KIF1C: variants seen among roughly 807,000 people sequenced by gnomAD.
KIF1C encodes kinesin family member 1C.
Under a neutral mutation model 126.5 loss-of-function variants are expected in KIF1C, and 61 were observed. The observed-to-expected ratio is 0.48, with a 90% CI of 0.39 to 0.60. KIF1C has a LOEUF of 0.60. Ranked by LOEUF, KIF1C falls within the 20% of genes least tolerant of loss-of-function variation. The pLI, the probability that KIF1C is intolerant of heterozygous loss-of-function variation, is 0.00. For synonymous variants in KIF1C, 640 were observed against 580.6 expected, an observed-to-expected ratio of 1.10 and a Z score of -1.47; for missense variants, 1,315 against 1,489.2, an observed-to-expected ratio of 0.88 and a Z score of 1.93.
rs1403768279 is a variant in KIF1C, at chr17:5,024,909, C to CCCCGCTTTTTTTTTTTGGGAG, written c.*759_*779dup. 5 of 147,662 alleles carry CCCCGCTTTTTTTTTTTGGGAG rather than the reference C, an allele frequency of 3.4e-5. No individual in the cohort carries two copies. Among genetic ancestry groups the CCCCGCTTTTTTTTTTTGGGAG allele is most frequent in the Non-Finnish European group, 7.3e-5 (5 of 68,050 alleles). The allele number at this position is 147,662 out of a possible 1,614,324, so 9.1% of individuals were successfully genotyped here. On this transcript the variant is annotated 3_prime_UTR_variant, in exon 23 of 23. Coordinates refer to ENST00000320785, the MANE Select transcript of KIF1C (RefSeq NM_006612.6). ...TTCAGGGTGCGCAGCCCGATCTTTT[C>CCCCGCTTTTTTTTTTTGGGAG]CCCGCTTTTTTTTTTTGGGAGACAG...
In KIF1C at chr17:5,022,399, C is replaced by A. The variant is rs369289976; in HGVS notation, c.2318C>A (p.Ala773Asp). 34 of 1,578,258 alleles carry A rather than the reference C, an allele frequency of 2.2e-5. No individual in the cohort carries two copies. Among genetic ancestry groups the A allele is most frequent in the Non-Finnish European group, 2.2e-5 (26 of 1,161,032 alleles). ...DFRHGRAEIE[A>D]LAALKMRELC... ...CGCCACGGGCGGGCTGAGATTGAGGCCCTGGCCGCCCTCAAGATGCGGGAG... is the reference window on the plus strand; with the variant it reads ...CGCCACGGGCGGGCTGAGATTGAGGACCTGGCCGCCCTCAAGATGCGGGAG... The change falls in exon 22 of 23, where the codon GCC becomes GAC. Residue 773 changes from alanine to aspartate, a missense_variant. Transcript: ENST00000320785. The surrounding 1 kb of genome is among the most constrained non-coding windows in gnomAD (Gnocchi z 4.9).
Position 4,997,952 on chromosome 17 carries a change from C to T in KIF1C, c.-353C>T, listed in dbSNP as rs538915995. 156 of 148,368 alleles carry T rather than the reference C, an allele frequency of 1.1e-3. No individual in the cohort carries two copies. The highest frequency in any genetic ancestry group is 3.6e-3 in the African/African-American group (148 of 41,128). The allele number at this position is 148,368 out of a possible 1,614,324, so 9.2% of individuals were successfully genotyped here. A position where few individuals can be genotyped will look rare whatever the true frequency, so the allele number is the denominator to read the frequency against. On this transcript the variant is annotated 5_prime_UTR_variant, in exon 1 of 23. Transcript: ENST00000320785. Reference sequence around the variant, plus strand: ...CCCCCGCCCCTCGCTCCCGCCCCAGCTCGCGCTGCCCGGGCGGGCGCCGGC... The same window carrying T: ...CCCCCGCCCCTCGCTCCCGCCCCAGTTCGCGCTGCCCGGGCGGGCGCCGGC...
In KIF1C at chr17:5,020,474, C is replaced by T; in HGVS notation, c.1751-18C>T. ...GCTGATGGGAAGCGAGTTTACTTTT[C>T]CCTCCTCCCATCTCTAGGGAATAGG... On this transcript the variant is annotated intron_variant, in intron 19 of 22. Coordinates refer to ENST00000320785, the MANE Select transcript of KIF1C (RefSeq NM_006612.6). This position sits in a 1 kb window ranked among gnomAD's most constrained non-coding sequence, Gnocchi z 5.8. The T allele has an allele frequency of 6.3e-7, 1 of 1,592,864 alleles. No individual in the cohort carries two copies. The highest frequency in any genetic ancestry group is 1.1e-5 in the South Asian group (1 of 89,552).
rs1183475749 is a variant in KIF1C at position 5,004,895 on chromosome 17, A to G, written c.1060A>G (p.Ile354Val). The G allele has an allele frequency of 5.0e-6, 8 of 1,614,138 alleles. No homozygotes were observed. Among genetic ancestry groups the G allele is most frequent in the Non-Finnish European group, 6.8e-6 (8 of 1,180,058 alleles). ...RTKQIRCNAI[I>V]NEDPNARLIR... ...CAAGCAAATCCGCTGCAATGCCATC[A>G]TCAACGAGGACCCTAATGCCCGGCT... is the stretch of plus-strand genomic sequence containing the variant. The change falls in exon 13 of 23, where the codon ATC (isoleucine) becomes GTC (valine). Residue 354 changes from isoleucine to valine, a missense_variant. Physicochemically the swap from Ile to Val is conservative, Grantham distance 29. This residue lies in a region of KIF1C where 874 missense variants were observed against 1,053.2 expected (regional missense o/e 0.83). Transcript: ENST00000320785.
At position 5,020,176 on chromosome 17, in the gene KIF1C, G is replaced by C; in HGVS notation, c.1750+97G>C. On this transcript the variant is annotated intron_variant, in intron 19 of 22. Transcript: ENST00000320785. This position sits in a 1 kb window ranked among gnomAD's most constrained non-coding sequence, Gnocchi z 5.8. Reference sequence around the variant, plus strand: ...TGGGTGCATCCTAGAGGAGGACCCTGAAATACATCAGAAATAGCACGGGGA... The same window carrying C: ...TGGGTGCATCCTAGAGGAGGACCCTCAAATACATCAGAAATAGCACGGGGA... 1 of 887,020 alleles carries C rather than the reference G, an allele frequency of 1.1e-6. No individual in the cohort carries two copies. The highest frequency in any genetic ancestry group is 1.8e-6 in the Non-Finnish European group (1 of 541,514). The allele number at this position is 887,020 out of a possible 1,614,324, so 54.9% of individuals were successfully genotyped here.
chr17:5,000,105 A>G, intron 2 of KIF1C, 115 bp from the exon 3 acceptor site: 1 of 631,580 alleles, frequency 1.6e-6, no homozygotes, highest in Non-Finnish European at 2.9e-6. Context: ...GGTCCTTGAG[A>G]GGCTGGGTGG....
intron 14 of KIF1C, 79 bp downstream of exon 14, chr17:5,007,163 G>C (rs1363130188): frequency 6.4e-7 from 1 of 1,572,874 alleles, no homozygotes; most frequent in African/African-American, 1.4e-5. Context: ...GCTTGAGAAA[G>C]AAGGAATTCT....
chr17:5,023,970 G>A lies in KIF1C; in HGVS notation c.3131G>A (p.Gly1044Asp). ...LDGGGRSRGA[G>D]SAQPEPQHFQ... ...GGAGGGGGCCGATCCCGGGGAGCGGGTTCTGCACAGCCTGAACCCCAGCAC... is the reference window on the plus strand; with the variant it reads ...GGAGGGGGCCGATCCCGGGGAGCGGATTCTGCACAGCCTGAACCCCAGCAC... The change falls in exon 23 of 23, where the codon GGT becomes GAT. Residue 1044 changes from glycine (G) to aspartate (D), a missense_variant. By Grantham distance (94) the Gly-to-Asp change is moderately conservative. Transcript: ENST00000320785. The surrounding 1 kb of genome is among the most constrained non-coding windows in gnomAD (Gnocchi z 4.2). 6.3e-7 allele frequency: 1 copy of A among 1,588,308 alleles called. No homozygotes were observed. Among genetic ancestry groups the A allele is most frequent in the Admixed American group, 1.8e-5 (1 of 56,102 alleles).
At chr17:5,006,166 C>T (rs1974727939) in intron 13 of KIF1C, among the ~76,000 whole-genome samples, 1 of 150,454 alleles carries the variant, frequency 6.6e-6, no homozygotes, top group South Asian at 2.1e-4. Flanking sequence ...AAGATGGAGC[C>T]ATTGCACTCC....
intron 1 of KIF1C, among the ~76,000 whole-genome samples, chr17:4,998,494 G>A (rs1974454686): frequency 6.6e-6 from 1 of 152,150 alleles, no homozygotes; most frequent in Non-Finnish European, 1.5e-5. Flanking sequence ...CTTCACAGCT[G>A]CACCGGCCGA....
chr17:5,009,662 C>T (rs1181460980), intron 16 of KIF1C, among the ~76,000 whole-genome samples: 1 of 151,096 alleles, frequency 6.6e-6, no homozygotes, highest in Non-Finnish European at 1.5e-5. Context: ...CTGGCGGGCG[C>T]CTGTAGTCCC....
intron 13 of KIF1C, among the ~76,000 whole-genome samples, chr17:5,006,556 G>A (rs868443354): frequency 4.0e-5 from 6 of 151,896 alleles, no homozygotes; most frequent in African/African-American, 9.7e-5. Flanking sequence ...GGCTGGTCTC[G>A]AACTCCTGAC....
rs1039319625 is a variant in KIF1C, at chr17:5,007,450, C to T, written c.1416-17C>T. On this transcript the variant is annotated splice_polypyrimidine_tract_variant and intron_variant, in intron 15 of 22. Transcript: ENST00000320785. ...CAGTGAAGGTAAGACTGACATTTGC[C>T]TCTCCTCTGCCCACAGAGAAGCATT... 6.2e-7 allele frequency: 1 copy of T among 1,605,498 alleles called. No homozygotes were observed. The highest frequency in any genetic ancestry group is 8.5e-7 in the Non-Finnish European group (1 of 1,174,770).
intron 16 of KIF1C, among the ~76,000 whole-genome samples, chr17:5,012,799 C>T (rs1030422667): frequency 3.3e-5 from 5 of 152,124 alleles, no homozygotes; most frequent in African/African-American, 7.2e-5. Flanking sequence ...ACAGAGGCAG[C>T]GTCGCCTGTA....
rs906321776 is a variant in KIF1C at position 5,022,124 on chromosome 17, C to T, written c.2043C>T (p.Asp681=). ...ACTCGGACAGCGGGGATGACTCTGA[C>T]AAGCGCTCTTGTGAAGAGAGCTGGA... ...YADSDSGDDS[D]KRSCEESWRL... Residue 681 remains aspartate (D), a synonymous_variant, in exon 22 of 23, where the codon GAC becomes GAT. Coordinates refer to ENST00000320785, the MANE Select transcript of KIF1C (RefSeq NM_006612.6). This position sits in a 1 kb window ranked among gnomAD's most constrained non-coding sequence, Gnocchi z 4.9. The T allele has an allele frequency of 3.7e-6, 6 of 1,610,484 alleles. No homozygotes were observed. Among genetic ancestry groups the T allele is most frequent in the Middle Eastern group, 3.3e-4 (2 of 6,048 alleles).
rs1449832507 is a variant in KIF1C at position 5,023,221 on chromosome 17, A to ATGT, written c.2629-244_2629-242dup. On this transcript the variant is annotated intron_variant, in intron 22 of 22. Transcript: ENST00000320785. This position sits in a 1 kb window ranked among gnomAD's most constrained non-coding sequence, Gnocchi z 4.2. Reference sequence around the variant, plus strand: ...ATTTTAGTAGAGACGGGGTTTCACCATGTTGGCCAGGATGGTCTTGATCTC... The same window carrying ATGT: ...ATTTTAGTAGAGACGGGGTTTCACCATGTTGTTGGCCAGGATGGTCTTGATCTC... 6.6e-6 allele frequency among the ~76,000 whole-genome samples: 1 copy of ATGT among 151,498 alleles called. No individual in the cohort carries two copies. The highest frequency in any genetic ancestry group is 6.6e-5 in the Admixed American group (1 of 15,218).
rs1223856050 is a variant in KIF1C at position 5,001,368 on chromosome 17, A to G, written c.330A>G (p.Arg110=). The change falls in exon 5 of 23, where the codon CGA becomes CGG. Residue 110 remains arginine (R), a synonymous_variant. Transcript: ENST00000320785. ...GGAAATCCTATACCATGATGGGGCG[A>G]CAGGAGCCAGGGCAGCAGGGCATCG... is the stretch of plus-strand genomic sequence containing the variant. ...GAGKSYTMMG[R]QEPGQQGIVP... 1 of 1,614,074 alleles carries G rather than the reference A, an allele frequency of 6.2e-7. No individual in the cohort carries two copies. The highest frequency in any genetic ancestry group is 1.1e-5 in the South Asian group (1 of 91,080).
chr17:5,022,142 G>A lies in KIF1C; in HGVS notation c.2061G>A (p.Glu687=), dbSNP rs1333966276. 6.2e-7 allele frequency: 1 copy of A among 1,613,364 alleles called. No homozygotes were observed. The highest frequency in any genetic ancestry group is 8.5e-7 in the Non-Finnish European group (1 of 1,179,458). Residue 687 remains glutamate, a synonymous_variant, in exon 22 of 23, where the codon GAG becomes GAA. Coordinates refer to ENST00000320785, the MANE Select transcript of KIF1C (RefSeq NM_006612.6). The surrounding 1 kb of genome is among the most constrained non-coding windows in gnomAD (Gnocchi z 4.9). The part of the protein sequence containing the change: ...GDDSDKRSCE[E]SWRLISSLRE... ...ACTCTGACAAGCGCTCTTGTGAAGA[G>A]AGCTGGAGGCTCATCTCCTCCTTGC... is the stretch of plus-strand genomic sequence containing the variant.
intron 21 of KIF1C, 139 bp from the exon 22 acceptor site, chr17:5,021,953 G>A (rs1975098594): frequency 1.1e-6 from 1 of 886,046 alleles, no homozygotes; most frequent in African/African-American, 1.7e-5. Flanking sequence ...GCCCAAGGGT[G>A]CGCTGTTGGG....
Sources: gnomAD v4.1 joint callset for allele counts (sites outside exome capture counted in the v4.1 genomes callset) on GRCh38, gnomAD v4.1.1 for gene constraint, gnomAD v4.1.1 regional missense constraint, Gnocchi (gnomAD v3.1) non-coding constraint, MANE v1.5 for transcripts, NCBI Gene and HGNC (gene_info 2026-07-23, HGNC 2026-07-21) for gene names.